PCDHA3: variants seen among roughly 807,000 people sequenced by gnomAD.
PCDHA3 encodes protocadherin alpha 3.
Under a neutral mutation model 62.2 loss-of-function variants are expected in PCDHA3, and 41 were observed. The ratio of observed to expected loss-of-function variants is 0.66; its 90% CI spans 0.51 to 0.86. The LOEUF (loss-of-function observed/expected upper bound fraction) is 0.86, where lower values mean the gene tolerates loss of function less well. Ranked by LOEUF, PCDHA3 falls within the 40% of genes least tolerant of loss-of-function variation. The probability of loss-of-function intolerance (pLI) is 0.00; values close to 1 mark genes in which losing one functional copy is unlikely to be tolerated. For missense variants in PCDHA3, 1,304 were observed against 1,241.2 expected (o/e 1.05, Z -0.76); for synonymous variants, 640 against 555.4 (o/e 1.15, Z -2.14).
chr5:140,833,186 T>C (rs1772344367), intron 1 of PCDHA3, among the ~76,000 whole-genome samples: 1 of 152,064 alleles, frequency 6.6e-6, no homozygotes, highest in Admixed American at 6.6e-5. Flanking sequence ...ACTGCAAGGA[T>C]TAAATGAAGG....
chr5:140,899,931 C>G (rs1163496997), intron 1 of PCDHA3, among the ~76,000 whole-genome samples: 1 of 152,112 alleles, frequency 6.6e-6, no homozygotes, highest in African/African-American at 2.4e-5. Context: ...CCTCAGCCTC[C>G]TGAATAGCTG....
chr5:140,970,854 T>G (rs2096437899), intron 1 of PCDHA3, among the ~76,000 whole-genome samples: 1 of 152,148 alleles, frequency 6.6e-6, no homozygotes, highest in Non-Finnish European at 1.5e-5. Flanking sequence ...GCACAAAAGT[T>G]CCATTCCTGA....
chr5:140,986,732 C>T (rs1427962629), intron 3 of PCDHA3, among the ~76,000 whole-genome samples: 1 of 152,150 alleles, frequency 6.6e-6, no homozygotes, highest in African/African-American at 2.4e-5. Context: ...CTTCTCAAGA[C>T]CCCAGGGGAT....
chr5:140,978,845 T>C, intron 1 of PCDHA3, 104 bp from the exon 2 acceptor site: 7 of 1,569,708 alleles, frequency 4.5e-6, no homozygotes, highest in Non-Finnish European at 6.1e-6. Flanking sequence ...AATACTTTTT[T>C]AGATGCCTGG....
Position 140,803,325 on chromosome 5 carries a change from C to T in PCDHA3, c.2128C>T (p.Leu710=). 1 of 1,614,176 alleles carries T rather than the reference C, an allele frequency of 6.2e-7. No individual in the cohort carries two copies. Among genetic ancestry groups the T allele is most frequent in the Non-Finnish European group, 8.5e-7 (1 of 1,180,006 alleles). ...CGTCGCCATCTGCGCGGTGTCCAGTCTGTTGGTGCTCACACTGCTGCTATA... is the reference window on the plus strand; with the variant it reads ...CGTCGCCATCTGCGCGGTGTCCAGTTTGTTGGTGCTCACACTGCTGCTATA... ...LIVAICAVSS[L]LVLTLLLYTA... is the part of the protein sequence containing the mutation. The change falls in exon 1 of 4, where the codon CTG becomes TTG. Residue 710 remains leucine (L), a synonymous_variant. Transcript: ENST00000522353.
rs1413511622 is a variant in PCDHA3, at chr5:140,853,854, T to A, written c.2394+50263T>A. ...CGAAATTTTAGATCCATAGCCCTAT[T>A]TGATACTTGACAGTGCAAGTTTCTG... On this transcript the variant is annotated intron_variant, in intron 1 of 3. Coordinates refer to ENST00000522353, the MANE Select transcript of PCDHA3 (RefSeq NM_018906.3). The A allele has an allele frequency of 2.1e-5, 21 of 985,682 alleles. 4 individuals carry two copies. The highest frequency in any genetic ancestry group is 2.3e-5 in the Non-Finnish European group (19 of 817,834). The allele number at this position is 985,682 out of a possible 1,614,324, so 61.1% of individuals were successfully genotyped here. A position where few individuals can be genotyped will look rare whatever the true frequency, so the allele number is the denominator to read the frequency against.
Position 140,869,207 on chromosome 5 carries a change from T to C in PCDHA3, c.2394+65616T>C, listed in dbSNP as rs781925229. ...GGGAGCGGCCAGCTCCACTACTCCG[T>C]CTCGGAGGAGGCCAAACACGGCACC... On this transcript the variant is annotated intron_variant, in intron 1 of 3. Transcript: ENST00000522353. 3.7e-6 allele frequency: 6 copies of C among 1,613,842 alleles called. No homozygotes were observed. The African/African-American group carries it at 5.3e-5, about 14-fold the overall frequency.
At chr5:140,828,529 G>A in intron 1 of PCDHA3, 1 of 1,614,222 alleles carries the variant, frequency 6.2e-7, no homozygotes, top group Non-Finnish European at 8.5e-7. Flanking sequence ...ACGAATCTAG[G>A]CTGCCAGATT....
At chr5:140,904,064 G>C (rs1238949756) in intron 1 of PCDHA3, among the ~76,000 whole-genome samples, 2 of 151,906 alleles carry the variant, frequency 1.3e-5, no homozygotes, top group Non-Finnish European at 2.9e-5. Context: ...TGGGTTTTTG[G>C]GGAACAGTAT....
At chr5:140,834,566 G>A (rs2150221246) in intron 1 of PCDHA3, 1 of 1,614,096 alleles carries the variant, frequency 6.2e-7, no homozygotes, top group South Asian at 1.1e-5. Context: ...AGCTGGTGCC[G>A]CGCCTGTTCC....
At chr5:140,999,993 G>A (rs529237834) in intron 3 of PCDHA3, among the ~76,000 whole-genome samples, 1 of 152,114 alleles carries the variant, frequency 6.6e-6, no homozygotes, top group African/African-American at 2.4e-5. Flanking sequence ...CTGGGTAGTG[G>A]TATTAGATTG....
intron 1 of PCDHA3, chr5:140,883,393 C>T (rs781845683): frequency 1.2e-6 from 2 of 1,614,160 alleles, no homozygotes; most frequent in South Asian, 2.2e-5. Flanking sequence ...TCAGTGTGTC[C>T]GATCGTGACT....
intron 1 of PCDHA3, among the ~76,000 whole-genome samples, chr5:140,969,831 G>A (rs559083785): frequency 3.9e-4 from 60 of 152,296 alleles, no homozygotes; most frequent in African/African-American, 1.4e-3. Context: ...TGTCTACAGT[G>A]GAAATTATCT....
rs2150177437 is a variant in PCDHA3 at position 140,829,902 on chromosome 5, AC to A, written c.2394+26312del. 3 of 1,613,830 alleles carry A rather than the reference AC, an allele frequency of 1.9e-6. No homozygotes were observed. The African/African-American group carries it at 4.0e-5, about 22-fold the overall frequency. Reference sequence around the variant, plus strand: ...GCAGTTGACGCCGACTCAGGCTACAACGCGTGGCTTTCGTATGAGCTGCAGC... The same window carrying A: ...GCAGTTGACGCCGACTCAGGCTACAAGCGTGGCTTTCGTATGAGCTGCAGC... On this transcript the variant is annotated intron_variant, in intron 1 of 3. Coordinates refer to ENST00000522353, the MANE Select transcript of PCDHA3 (RefSeq NM_018906.3).
rs1554150162 is a variant in PCDHA3 at position 140,857,521 on chromosome 5, C to T, written c.2394+53930C>T. 5 of 1,598,106 alleles carry T rather than the reference C, an allele frequency of 3.1e-6. 1 individual carries two copies. In the South Asian group the frequency reaches 4.4e-5, roughly 14 times the overall value. On this transcript the variant is annotated intron_variant, in intron 1 of 3. Coordinates refer to ENST00000522353, the MANE Select transcript of PCDHA3 (RefSeq NM_018906.3). Reference sequence around the variant, plus strand: ...CGCAGGAGAACGCCCTGGTGTCCTACTCTCTGGTGGAGCGGCGGTTGGGCG... The same window carrying T: ...CGCAGGAGAACGCCCTGGTGTCCTATTCTCTGGTGGAGCGGCGGTTGGGCG...
At chr5:140,945,131 A>C (rs1484443084) in intron 1 of PCDHA3, among the ~76,000 whole-genome samples, 1 of 152,202 alleles carries the variant, frequency 6.6e-6, no homozygotes, top group Non-Finnish European at 1.5e-5. Context: ...CAACTTACAA[A>C]AATCAATAGC....
At chr5:140,815,627 A>G (rs1281613717) in intron 1 of PCDHA3, 1 of 152,138 alleles carries the variant, frequency 6.6e-6, no homozygotes, top group East Asian at 1.9e-4. Context: ...CCATTACAGT[A>G]TTATAGTATT....
chr5:140,990,296 T>C (rs1231552034), intron 3 of PCDHA3, among the ~76,000 whole-genome samples: 12 of 152,300 alleles, frequency 7.9e-5, no homozygotes, highest in African/African-American at 2.9e-4. Flanking sequence ...ATCGATGCCA[T>C]TGTCTGTAAA....
At chr5:140,941,286 CTCTTTCTT>C (rs5871754) in intron 1 of PCDHA3, among the ~76,000 whole-genome samples, 8 of 106,846 alleles carry the variant, frequency 7.5e-5, no homozygotes, top group East Asian at 5.2e-4. Context: ...TCCTTCCTTT[CTCTTTCTT>C]TCTTTCTTTC....
Sources: allele counts gnomAD v4.1 joint callset (sites outside exome capture counted in the v4.1 genomes callset), GRCh38; gene constraint gnomAD v4.1.1; transcripts MANE v1.5; gene names NCBI Gene and HGNC (gene_info 2026-07-23, HGNC 2026-07-21).